TMEM234: variants seen among roughly 807,000 people sequenced by gnomAD.
TMEM234 encodes the protein chromosome 1 open reading frame 91.
TMEM234 carries 21 observed loss-of-function variants against 17.8 expected under a neutral mutation model. The observed-to-expected ratio is 1.18, with a 90% CI of 0.84 to 1.70. The LOEUF is 1.70. Among genes scored for constraint, TMEM234 ranks in the 40% most tolerant of loss-of-function variants. The pLI is 0.00. For synonymous variants in TMEM234, 83 were observed against 73.5 expected (o/e 1.13, Z -0.66); for missense variants, 137 against 166.9 (o/e 0.82, Z 0.99).
intron 3 of TMEM234, among the ~76,000 whole-genome samples, chr1:32,219,112 C>CA (rs59104994): frequency 0.041 from 2,947 of 71,594 alleles, 122 homozygotes; most frequent in African/African-American, 0.12. Context: ...AATGCCGTCT[C>CA]AAAAAAAAAA....
At chr1:32,215,109 G>A (rs1409417025), downstream of TMEM234, 12 of 845,356 alleles carry the variant, frequency 1.4e-5, no homozygotes, top group South Asian at 4.3e-5. Flanking sequence ...GAGACTGCCC[G>A]TAAAAAAAAA....
intron 3 of TMEM234, among the ~76,000 whole-genome samples, chr1:32,220,706 A>C (rs1027194871): frequency 1.3e-5 from 2 of 152,142 alleles, no homozygotes; most frequent in Non-Finnish European, 2.9e-5. Context: ...TGGAGCTCTG[A>C]CTGTGTGCCA....
intron 4 of TMEM234, 114 bp from the exon 5 acceptor site, chr1:32,217,061 CCT>C (rs907491335): frequency 6.4e-7 from 1 of 1,572,334 alleles, no homozygotes; most frequent in East Asian, 2.3e-5. Context: ...CAAACCCCAG[CCT>C]CTGTCTTTCT....
At chr1:32,221,033 G>A (rs1638854046) in intron 3 of TMEM234, 98 bp downstream of exon 3, 1 of 922,706 alleles carries the variant, frequency 1.1e-6, no homozygotes, top group African/African-American at 1.6e-5. Flanking sequence ...CTCTCTCACT[G>A]ATGGGAATGA....
chr1:32,216,036 T>A (rs1638357854), downstream of TMEM234: 1 of 786,874 alleles, frequency 1.3e-6, no homozygotes. Flanking sequence ...GCCCTCCCCG[T>A]TCTCCTGCTC....
chr1:32,221,701 A>C (rs1638924632), intron 2 of TMEM234, among the ~76,000 whole-genome samples, 166 bp downstream of exon 2: 1 of 152,102 alleles, frequency 6.6e-6, no homozygotes, highest in Non-Finnish European at 1.5e-5. Flanking sequence ...GATGGTTATT[A>C]TTATAATCGC....
chr1:32,216,357 T>C lies in TMEM234; in HGVS notation c.*496A>G. 1 of 1,549,014 alleles carries C rather than the reference T, an allele frequency of 6.5e-7. No individual in the cohort carries two copies. Among genetic ancestry groups the C allele is most frequent in the Non-Finnish European group, 8.7e-7 (1 of 1,145,972 alleles). ...GCAGGCAAGGCTAATAGACAGCTCA[T>C]TTCCTGCATCTGCCACTCCGACGCA... is the stretch of plus-strand genomic sequence containing the variant. On this transcript the variant is annotated 3_prime_UTR_variant, in exon 5 of 5. Coordinates refer to ENST00000309777, the MANE Select transcript of TMEM234 (RefSeq NM_019118.5).
At chr1:32,215,492 C>T (rs755530985), downstream of TMEM234, 2 of 1,613,652 alleles carry the variant, frequency 1.2e-6, no homozygotes, top group Non-Finnish European at 1.7e-6. Context: ...CAGCGGGGGC[C>T]CTGGAAGTAG....
At chr1:32,221,099 A>C in intron 3 of TMEM234, 32 bp downstream of exon 3, 1 of 1,601,102 alleles carries the variant, frequency 6.2e-7, no homozygotes. Flanking sequence ...GGCCTCAAAC[A>C]CTAAGCAGAA....
At chr1:32,214,631 TG>T, downstream of TMEM234, 1 of 933,298 alleles carries the variant, frequency 1.1e-6, no homozygotes, top group Non-Finnish European at 1.6e-6. Flanking sequence ...TAAGTCAGGC[TG>T]GTGGGAAGAG....
chr1:32,216,325 G>C lies in TMEM234; in HGVS notation c.*528C>G, dbSNP rs1569788586. 5.2e-6 allele frequency: 8 copies of C among 1,529,582 alleles called. No homozygotes were observed. In the East Asian group the frequency reaches 2.0e-4, roughly 38 times the overall value. 94.8% of individuals were successfully genotyped at this position (1,529,582 alleles called of 1,614,324 possible). On this transcript the variant is annotated 3_prime_UTR_variant, in exon 5 of 5. Transcript: ENST00000309777. ...CAGTGAGGATTTCTGCCTACCTCAT[G>C]GGTGGGGCAGGCAAGGCTAATAGAC...
intron 3 of TMEM234, among the ~76,000 whole-genome samples, chr1:32,219,787 A>G (rs1162023662): frequency 2.6e-5 from 4 of 152,174 alleles, no homozygotes; most frequent in Non-Finnish European, 5.9e-5. Context: ...AAGTGAGGGC[A>G]TTGGAGTGAG....
intron 3 of TMEM234, among the ~76,000 whole-genome samples, chr1:32,218,679 T>C (rs1350681174): frequency 6.6e-6 from 1 of 152,146 alleles, no homozygotes; most frequent in African/African-American, 2.4e-5. Flanking sequence ...GGCTCACGCC[T>C]GTAATCCCAG....
chr1:32,214,984 A>G, downstream of TMEM234: 2 of 1,609,636 alleles, frequency 1.2e-6, no homozygotes, highest in Non-Finnish European at 1.7e-6. Flanking sequence ...TGACAGTGAC[A>G]TAGGTTGGTC....
At position 32,221,916 on chromosome 1, in the gene TMEM234, C is replaced by A. The variant is rs1168456376; in HGVS notation, c.119G>T (p.Trp40Leu). The change falls in exon 2 of 5, where the codon TGG (tryptophan) becomes TTG (leucine). Residue 40 changes from tryptophan (W) to leucine (L), a missense_variant. Trp to Leu is a moderately conservative substitution (Grantham distance 61, BLOSUM62 -2). Transcript: ENST00000309777. ...CATCTCCTGTAGCAACTGCTGGGCC[C>A]AGGTCGGCTCATGAACCCGCTGCAG... ...AGLQRVHEPT[W>L]AQQLLQEMKT... 6.2e-7 allele frequency: 1 copy of A among 1,613,348 alleles called. No homozygotes were observed. The highest frequency in any genetic ancestry group is 8.5e-7 in the Non-Finnish European group (1 of 1,179,986).
rs1638868997 is a variant in TMEM234, at chr1:32,221,152, A to G, written c.214T>C (p.Tyr72His). ...CCACCTGTCGATGCCAAGGTGAGGTAATAGAGAAGGGATCCACACTGGTTG... is the reference window on the plus strand; with the variant it reads ...CCACCTGTCGATGCCAAGGTGAGGTGATAGAGAAGGGATCCACACTGGTTG... ...LLNQCGSLLYYLTLASTDLTL... is the reference protein window; with the variant it reads ...LLNQCGSLLYHLTLASTDLTL... Residue 72 changes from tyrosine (Y) to histidine (H), a missense_variant, in exon 3 of 5, where the codon TAC becomes CAC. Transcript: ENST00000309777. 2 of 1,613,330 alleles carry G rather than the reference A, an allele frequency of 1.2e-6. No homozygotes were observed. The highest frequency in any genetic ancestry group is 3.3e-5 in the Admixed American group (2 of 59,906).
rs184511018 is a variant in TMEM234, at chr1:32,221,824, G to A, written c.168+43C>T. On this transcript the variant is annotated intron_variant, in intron 2 of 4. Transcript: ENST00000309777. ...GTTTGACTCCAAAGACCAAATTCTTGGCGGCAACTCCACCGAGAGAGGGGC... is the reference window on the plus strand; with the variant it reads ...GTTTGACTCCAAAGACCAAATTCTTAGCGGCAACTCCACCGAGAGAGGGGC... The A allele has an allele frequency of 4.7e-4, 759 of 1,607,312 alleles. 3 individuals carry two copies. In the African/African-American group the frequency reaches 9.6e-3, roughly 20 times the overall value.
At chr1:32,217,470 A>T in intron 3 of TMEM234, 119 bp from the exon 4 acceptor site, 1 of 1,545,714 alleles carries the variant, frequency 6.5e-7, no homozygotes, top group Non-Finnish European at 8.7e-7. Context: ...CATCTTCCAG[A>T]TGAAGTCACA....
At chr1:32,218,138 G>A (rs181895870) in intron 3 of TMEM234, among the ~76,000 whole-genome samples, 4 of 152,338 alleles carry the variant, frequency 2.6e-5, no homozygotes, top group Admixed American at 6.5e-5. Flanking sequence ...GAGTAATGGA[G>A]TTGGCTGGGT....
Sources: gnomAD v4.1 joint callset for allele counts (sites outside exome capture counted in the v4.1 genomes callset) on GRCh38, gnomAD v4.1.1 for gene constraint, MANE v1.5 for transcripts, NCBI Gene and HGNC (gene_info 2026-07-23, HGNC 2026-07-21) for gene names.